Variants in ATP8A2 observed in about 807,000 individuals in gnomAD.
ATP8A2 encodes ATPase phospholipid transporting 8A2.
A neutral mutation model predicts 165.6 loss-of-function variants in ATP8A2; 100 were observed. The ratio of observed to expected loss-of-function variants is 0.60; its 90% CI spans 0.51 to 0.71. The LOEUF (loss-of-function observed/expected upper bound fraction) is 0.71. ATP8A2 is among the 30% of genes least tolerant of loss of function. The probability of loss-of-function intolerance (pLI) is 0.00; values close to 1 mark genes in which losing one functional copy is unlikely to be tolerated. For synonymous variants in ATP8A2, 543 were observed against 548.8 expected (o/e 0.99, Z 0.15); for missense variants, 1,227 against 1,479.5 (o/e 0.83, Z 2.80).
At chr13:25,378,029 G>C (rs1169108272) in intron 1 of ATP8A2, among the ~76,000 whole-genome samples, 1 of 152,034 alleles carries the variant, frequency 6.6e-6, no homozygotes, top group Non-Finnish European at 1.5e-5. Context: ...GAGGCAGAAG[G>C]ATTGCTTGAG....
chr13:25,707,408 C>T (rs1042741341), intron 25 of ATP8A2, among the ~76,000 whole-genome samples: 1 of 152,146 alleles, frequency 6.6e-6, no homozygotes, highest in Non-Finnish European at 1.5e-5. Context: ...AGTTATATAT[C>T]ATCACTATCT....
chr13:25,546,806 C>T (rs974959701), intron 10 of ATP8A2, among the ~76,000 whole-genome samples: 1 of 152,018 alleles, frequency 6.6e-6, no homozygotes, highest in Non-Finnish European at 1.5e-5. Flanking sequence ...TCCTAGTAAC[C>T]CAAGCTTACA....
chr13:25,531,314 ATGTTATATATGATATATATATG>A (rs2038067299), intron 4 of ATP8A2, among the ~76,000 whole-genome samples: 4 of 130,556 alleles, frequency 3.1e-5, no homozygotes, highest in South Asian at 2.4e-4. Context: ...TATGATATAT[ATGTTATATATGATATATATATG>A]TTATATATGA....
chr13:25,827,652 A>G (rs1182489508), intron 27 of ATP8A2, among the ~76,000 whole-genome samples: 2 of 152,232 alleles, frequency 1.3e-5, no homozygotes, highest in Admixed American at 6.5e-5. Context: ...CATCTGATTA[A>G]GGAGGGTCAA....
At chr13:25,640,369 A>C (rs2041485420) in intron 24 of ATP8A2, among the ~76,000 whole-genome samples, 1 of 151,518 alleles carries the variant, frequency 6.6e-6, no homozygotes. Flanking sequence ...AGACTAATAA[A>C]GAAGAAAAGA....
intron 22 of ATP8A2, among the ~76,000 whole-genome samples, chr13:25,580,549 C>G (rs896813695): frequency 6.6e-6 from 1 of 151,994 alleles, no homozygotes; most frequent in African/African-American, 2.4e-5. Context: ...AATATAGAGA[C>G]AGGGTTTCCC....
chr13:25,408,078 A>AT (rs1467085035), intron 1 of ATP8A2, among the ~76,000 whole-genome samples: 1 of 99,006 alleles, frequency 1.0e-5, no homozygotes, highest in Non-Finnish European at 2.3e-5. Context: ...TTAAAGTAAA[A>AT]AAATATATAT....
rs745834941 is a variant in ATP8A2, at chr13:25,769,223, C to T, written c.2562C>T (p.Ile854=). ...MQATNNSDYA[I]AQFSYLEKLL... is the part of the protein sequence containing the mutation. ...CCACCAACAACTCGGATTACGCCATCGCACAGGTCAGCAGCTTGGGCGTCC... is the reference window on the plus strand; with the variant it reads ...CCACCAACAACTCGGATTACGCCATTGCACAGGTCAGCAGCTTGGGCGTCC... Residue 854 remains isoleucine, a synonymous_variant, in exon 26 of 37, where the codon ATC becomes ATT. Coordinates refer to ENST00000381655, the MANE Select transcript of ATP8A2 (RefSeq NM_016529.6). 8 of 1,609,518 alleles carry T rather than the reference C, an allele frequency of 5.0e-6. No homozygotes were observed. The South Asian group carries it at 5.5e-5, about 11-fold the overall frequency.
intron 28 of ATP8A2, among the ~76,000 whole-genome samples, chr13:25,832,174 G>T (rs952591713): frequency 1.3e-5 from 2 of 152,096 alleles, no homozygotes; most frequent in African/African-American, 4.8e-5. Context: ...CTGACCTCAG[G>T]TGATCTGCCT....
intron 25 of ATP8A2, among the ~76,000 whole-genome samples, chr13:25,765,612 A>G (rs567205296): frequency 1.3e-5 from 2 of 152,328 alleles, no homozygotes; most frequent in South Asian, 4.1e-4. Context: ...TCATGCTCCT[A>G]AAATACTACC....
intron 33 of ATP8A2, among the ~76,000 whole-genome samples, chr13:25,938,316 T>G (rs1954975221): frequency 6.6e-6 from 1 of 152,126 alleles, no homozygotes; most frequent in African/African-American, 2.4e-5. Flanking sequence ...GATATTCAGC[T>G]TGGAAATATG....
chr13:25,939,993 G>A (rs116088200), intron 33 of ATP8A2, among the ~76,000 whole-genome samples: 2,329 of 152,072 alleles, frequency 0.015, 58 homozygotes, highest in African/African-American at 0.052. Flanking sequence ...GCTTGACTCC[G>A]TGCACTCAGG....
At chr13:25,596,788 A>G (rs950631708) in intron 24 of ATP8A2, among the ~76,000 whole-genome samples, 1 of 152,218 alleles carries the variant, frequency 6.6e-6, no homozygotes, top group Non-Finnish European at 1.5e-5. Context: ...AATAGCTAGG[A>G]GTAAAATTCT....
At chr13:25,692,810 A>G (rs997938882) in intron 24 of ATP8A2, among the ~76,000 whole-genome samples, 1 of 152,228 alleles carries the variant, frequency 6.6e-6, no homozygotes, top group Non-Finnish European at 1.5e-5. Context: ...AGTTCACAGG[A>G]GAACAAAACT....
intron 35 of ATP8A2, among the ~76,000 whole-genome samples, chr13:25,972,097 T>C (rs554781881): frequency 6.6e-6 from 1 of 152,312 alleles, no homozygotes; most frequent in Non-Finnish European, 1.5e-5. Flanking sequence ...AAAAAATCTG[T>C]ATGCATTAAT....
rs935406599 is a variant in ATP8A2, at chr13:25,742,959, G to A, written c.2385-26087G>A. Among the ~76,000 whole-genome samples, 5 of 152,156 alleles carry A rather than the reference G, an allele frequency of 3.3e-5. No individual in the cohort carries two copies. In the East Asian group the frequency reaches 7.7e-4, roughly 24 times the overall value. On this transcript the variant is annotated intron_variant, in intron 25 of 36. Transcript: ENST00000381655. ...TGGAAGGGAGGGGATTTATTGAAGA[G>A]GTGAAAGGTATATGGGTGTTATAAG...
intron 7 of ATP8A2, among the ~76,000 whole-genome samples, chr13:25,538,371 A>G (rs1026498234): frequency 3.3e-5 from 5 of 152,086 alleles, no homozygotes; most frequent in African/African-American, 1.2e-4. Context: ...CATTAATGTC[A>G]GGTTGCAGCA....
At chr13:25,424,122 C>T (rs971317877) in intron 1 of ATP8A2, among the ~76,000 whole-genome samples, 1 of 152,112 alleles carries the variant, frequency 6.6e-6, no homozygotes, top group Non-Finnish European at 1.5e-5. Flanking sequence ...AGAAGGGGAT[C>T]GTGGACCTTC....
chr13:25,932,599 G>C (rs1038013845), intron 33 of ATP8A2, among the ~76,000 whole-genome samples: 4 of 152,104 alleles, frequency 2.6e-5, no homozygotes, highest in African/African-American at 9.7e-5. Context: ...AAAACTGCAG[G>C]GGAGCCAAAG....
Sources: gnomAD v4.1 joint callset for allele counts (sites outside exome capture counted in the v4.1 genomes callset) on GRCh38, gnomAD v4.1.1 for gene constraint, MANE v1.5 for transcripts, NCBI Gene and HGNC (gene_info 2026-07-23, HGNC 2026-07-21) for gene names.